The following CCDC152 variants were observed in gnomAD, a reference collection of about 807,000 sequenced individuals.
The protein encoded by CCDC152 is coiled-coil domain-containing protein 152.
In CCDC152, 37 loss-of-function variants were observed where a neutral mutation model predicts 38.1. That is an observed-to-expected ratio of 0.97 (90% CI 0.75 to 1.28). CCDC152 has a LOEUF of 1.28. Among genes scored for constraint, CCDC152 ranks in the 50% most tolerant of loss-of-function variants. The probability of loss-of-function intolerance (pLI) is 0.00; values close to 1 mark genes in which losing one functional copy is unlikely to be tolerated. For missense variants in CCDC152, 259 were observed against 292.1 expected (o/e 0.89, Z 0.83); for synonymous variants, 83 against 87.1 (o/e 0.95, Z 0.26).
chr5:42,798,962 A>G (rs1037554568), intron 7 of CCDC152, among the ~76,000 whole-genome samples: 12 of 152,054 alleles, frequency 7.9e-5, no homozygotes, highest in Admixed American at 3.3e-4. Flanking sequence ...TGTTTATTAC[A>G]TTTTCTTTAT....
At position 42,801,074 on chromosome 5, in the gene CCDC152, T is replaced by C. The variant is rs1298222954; in HGVS notation, c.*1293T>C. On this transcript the variant is annotated 3_prime_UTR_variant, in exon 9 of 9. Transcript: ENST00000361970. ...GTAAATCTTGTAAATCTTCACTTGC[T>C]GGCATATCTCGGTTCTCTGGGTGAC... The C allele has an allele frequency of 1.1e-5, 18 of 1,614,134 alleles. No individual in the cohort carries two copies. Among genetic ancestry groups the C allele is most frequent in the Middle Eastern group, 3.3e-4 (2 of 6,084 alleles).
intron 6 of CCDC152, among the ~76,000 whole-genome samples, chr5:42,793,756 G>A (rs1432204238): frequency 6.6e-6 from 1 of 152,104 alleles, no homozygotes; most frequent in Non-Finnish European, 1.5e-5. Context: ...CCACAGGCAC[G>A]TGTCACCATC....
At chr5:42,783,660 G>T in intron 6 of CCDC152, 84 bp downstream of exon 6, 2 of 545,660 alleles carry the variant, frequency 3.7e-6, no homozygotes, top group Non-Finnish European at 5.2e-6. Context: ...TTTGTATAAT[G>T]CTGGTGTTTG....
At chr5:42,786,525 GT>G (rs1406014744) in intron 6 of CCDC152, among the ~76,000 whole-genome samples, 1 of 151,904 alleles carries the variant, frequency 6.6e-6, no homozygotes, top group Non-Finnish European at 1.5e-5. Flanking sequence ...GTTTCTCTCT[GT>G]TTTTCTTGGT....
Position 42,783,585 on chromosome 5 carries a change from A to C in CCDC152, c.430+9A>C. The C allele has an allele frequency of 7.6e-7, 1 of 1,312,314 alleles. No homozygotes were observed. The highest frequency in any genetic ancestry group is 9.9e-7 in the Non-Finnish European group (1 of 1,011,620). The allele number at this position is 1,312,314 out of a possible 1,614,324, so 81.3% of individuals were successfully genotyped here. A position where few individuals can be genotyped will look rare whatever the true frequency, so the allele number is the denominator to read the frequency against. On this transcript the variant is annotated intron_variant, in intron 6 of 8. Transcript: ENST00000361970. ...GGACATGCAGAGAAAAGGTAAGTTT[A>C]AAATAAACTTGCTTTTTTGTTATTG...
intron 4 of CCDC152, among the ~76,000 whole-genome samples, chr5:42,775,135 G>A (rs778528351): frequency 5.9e-5 from 9 of 151,436 alleles, no homozygotes; most frequent in Non-Finnish European, 1.0e-4. Flanking sequence ...AATAAAGAAA[G>A]AAAGGAACAG....
chr5:42,784,168 A>G (rs928493087), intron 6 of CCDC152, among the ~76,000 whole-genome samples: 10 of 152,168 alleles, frequency 6.6e-5, no homozygotes, highest in African/African-American at 2.4e-4. Context: ...AAATCTTTGT[A>G]ATGTTTTCCA....
intron 2 of CCDC152, 130 bp from the exon 3 acceptor site, chr5:42,762,313 G>A: frequency 3.4e-6 from 2 of 592,292 alleles, no homozygotes; most frequent in Non-Finnish European, 3.0e-6. Context: ...GTACATGACT[G>A]TATATGTATT....
rs552107346 is a variant in CCDC152 at position 42,788,732 on chromosome 5, C to T, written c.430+5156C>T. Among the ~76,000 whole-genome samples, 20 of 152,242 alleles carry T rather than the reference C, an allele frequency of 1.3e-4. No homozygotes were observed. The South Asian group carries it at 3.7e-3, about 28-fold the overall frequency. ...ATGGATTGTCTTTTCATTTTCTTAA[C>T]AGTATTAAAGAATATAAATTAATAA... On this transcript the variant is annotated intron_variant, in intron 6 of 8. Coordinates refer to ENST00000361970, the MANE Select transcript of CCDC152 (RefSeq NM_001134848.2).
At chr5:42,773,034 T>C (rs1759721852) in intron 4 of CCDC152, among the ~76,000 whole-genome samples, 1 of 152,254 alleles carries the variant, frequency 6.6e-6, no homozygotes, top group Non-Finnish European at 1.5e-5. Context: ...TATGTTCTTC[T>C]GGTTGTTATA....
chr5:42,800,215 A>G lies in CCDC152; in HGVS notation c.*434A>G. ...CAAAAGATAAATGGATATTTAAAAT[A>G]GTTATATATGCTTTTTTAGCAAAAT... On this transcript the variant is annotated 3_prime_UTR_variant, in exon 9 of 9. Transcript: ENST00000361970. 1 of 157,692 alleles carries G rather than the reference A, an allele frequency of 6.3e-6. No individual in the cohort carries two copies. Among genetic ancestry groups the G allele is most frequent in the Non-Finnish European group, 1.4e-5 (1 of 71,570 alleles). The allele number at this position is 157,692 out of a possible 1,614,324, so 9.8% of individuals were successfully genotyped here.
At chr5:42,798,751 G>A (rs1760115391) in intron 7 of CCDC152, among the ~76,000 whole-genome samples, 1 of 151,930 alleles carries the variant, frequency 6.6e-6, no homozygotes, top group Non-Finnish European at 1.5e-5. Flanking sequence ...TAAATCTGAA[G>A]AGAAGAGTTA....
At chr5:42,788,173 CTT>C (rs1460774072) in intron 6 of CCDC152, among the ~76,000 whole-genome samples, 2 of 151,798 alleles carry the variant, frequency 1.3e-5, no homozygotes, top group East Asian at 2.0e-4. Context: ...TGGAAAAAAA[CTT>C]TATTTCTCCT....
intron 4 of CCDC152, among the ~76,000 whole-genome samples, chr5:42,773,965 T>C (rs1025496152): frequency 2.0e-5 from 3 of 152,220 alleles, no homozygotes; most frequent in African/African-American, 7.2e-5. Context: ...ATGAAAATCC[T>C]TCAAACGTAC....
intron 7 of CCDC152, among the ~76,000 whole-genome samples, chr5:42,799,157 C>G (rs1303527346): frequency 1.3e-5 from 2 of 152,030 alleles, no homozygotes; most frequent in Non-Finnish European, 2.9e-5. Flanking sequence ...AAAAACCTCT[C>G]CAGGTAATTT....
At chr5:42,770,590 T>A (rs1759683882) in intron 4 of CCDC152, among the ~76,000 whole-genome samples, 1 of 152,222 alleles carries the variant, frequency 6.6e-6, no homozygotes, top group African/African-American at 2.4e-5. Context: ...AGGTTTGTTC[T>A]TTTTACTCAA....
chr5:42,780,143 T>G (rs149256548), intron 5 of CCDC152, among the ~76,000 whole-genome samples: 88 of 152,288 alleles, frequency 5.8e-4, no homozygotes, highest in African/African-American at 2.1e-3. Context: ...CTTCCTCATC[T>G]CTCAAGAGCT....
intron 3 of CCDC152, among the ~76,000 whole-genome samples, chr5:42,763,444 C>T (rs1199498372): frequency 6.6e-6 from 1 of 152,068 alleles, no homozygotes; most frequent in African/African-American, 2.4e-5. Context: ...TAATCGTGGG[C>T]TCAATATAGT....
At chr5:42,779,379 A>G in intron 4 of CCDC152, 79 bp from the exon 5 acceptor site, 2 of 845,316 alleles carry the variant, frequency 2.4e-6, no homozygotes, top group Non-Finnish European at 3.9e-6. Context: ...TACATAATGG[A>G]AGCTAAAATG....
Sources: gnomAD v4.1 joint callset for allele counts (sites outside exome capture counted in the v4.1 genomes callset) on GRCh38, gnomAD v4.1.1 for gene constraint, MANE v1.5 for transcripts, NCBI Gene and HGNC (gene_info 2026-07-23, HGNC 2026-07-21) for gene names.